ATG9B: variants seen among roughly 807,000 people sequenced by gnomAD.
The protein encoded by ATG9B is autophagy related 9B.
A neutral mutation model predicts 92.9 loss-of-function variants in ATG9B; 92 were observed. The ratio of observed to expected loss-of-function variants is 0.99; its 90% CI spans 0.84 to 1.18. The LOEUF (loss-of-function observed/expected upper bound fraction) is 1.18, where lower values mean the gene tolerates loss of function less well. Ranked by LOEUF, ATG9B falls within the 50% of genes most tolerant of loss-of-function variation. The pLI is 0.00. For missense variants in ATG9B, 1,344 were observed against 1,235.0 expected, an observed-to-expected ratio of 1.09 and a Z score of -1.32; for synonymous variants, 599 against 551.4, an observed-to-expected ratio of 1.09 and a Z score of -1.21.
chr7:151,012,743 AAAG>A (rs1343910744), downstream of ATG9B: 5 of 391,208 alleles, frequency 1.3e-5, no homozygotes, highest in East Asian at 8.7e-5. Context: ...GCTAAGACTC[AAAG>A]AAGAACTGCC....
chr7:151,016,863 A>G (rs1391828959), intron 9 of ATG9B, 42 bp from the exon 10 acceptor site: 1 of 1,576,338 alleles, frequency 6.3e-7, no homozygotes, highest in East Asian at 2.2e-5. Context: ...GGGAGTCAGA[A>G]GAGAGGACAG....
chr7:151,013,673 G>GGC, downstream of ATG9B: 2 of 1,437,204 alleles, frequency 1.4e-6, no homozygotes, highest in Non-Finnish European at 1.9e-6. Flanking sequence ...CCCGGGCTGC[G>GGC]CCCCCGCGCC....
intron 1 of ATG9B, 60 bp from the exon 2 acceptor site, chr7:151,023,790 C>A: frequency 1.9e-6 from 3 of 1,612,906 alleles, no homozygotes; most frequent in Non-Finnish European, 2.5e-6. Context: ...ACGTTCTCAA[C>A]CCGCTGCCAG....
At position 151,017,723 on chromosome 7, in the gene ATG9B, G is replaced by A. The variant is rs535919000; in HGVS notation, c.2052+148C>T. 8.6e-5 allele frequency: 85 copies of A among 993,592 alleles called. No homozygotes were observed. The South Asian group carries it at 8.9e-4, about 10-fold the overall frequency. The allele number at this position is 993,592 out of a possible 1,614,324, so 61.5% of individuals were successfully genotyped here. On this transcript the variant is annotated intron_variant, in intron 8 of 13. Coordinates refer to ENST00000639579, the MANE Select transcript of ATG9B (RefSeq NM_001317056.2). The stretch of plus-strand genomic sequence containing the variant: ...TTGCCATTGTTGCCATCTGACAGAC[G>A]AGGGCACGAGAGCACAGGAAGGGAA...
In ATG9B at chr7:151,017,018, G is replaced by T; in HGVS notation, c.2289+18C>A. ...TGTGGGGGTGAAGGCAGAAGGGGAG[G>T]CCAGGCTTGGGACTCACCAGGGGCG... On this transcript the variant is annotated intron_variant, in intron 9 of 13. Coordinates refer to ENST00000639579, the MANE Select transcript of ATG9B (RefSeq NM_001317056.2). 1 of 1,568,962 alleles carries T rather than the reference G, an allele frequency of 6.4e-7. No individual in the cohort carries two copies. Among genetic ancestry groups the T allele is most frequent in the Non-Finnish European group, 8.6e-7 (1 of 1,156,070 alleles).
chr7:151,014,236 A>G, downstream of ATG9B: 1 of 1,472,246 alleles, frequency 6.8e-7, no homozygotes, highest in East Asian at 2.4e-5. Flanking sequence ...CCCGACCAGG[A>G]TCAGCCCCGC....
In ATG9B at chr7:151,023,045, C is replaced by G; in HGVS notation, c.821G>C (p.Arg274Thr). 6.2e-7 allele frequency: 1 copy of G among 1,614,110 alleles called. No individual in the cohort carries two copies. Among genetic ancestry groups the G allele is most frequent in the Non-Finnish European group, 8.5e-7 (1 of 1,180,022 alleles). The change falls in exon 4 of 14, where the codon AGG (arginine) becomes ACG (threonine). Residue 274 changes from arginine (R) to threonine (T), a missense_variant and splice_region_variant. Transcript: ENST00000639579. ...AGGGCCCCACCAGGTTGTCACTAAC[C>G]TCTCAGCACACTGGGCTGAGGGTAG... is the stretch of plus-strand genomic sequence containing the variant. ...AILPSAQCAERIRSSPLLVLL... is the reference protein window; with the variant it reads ...AILPSAQCAETIRSSPLLVLL...
chr7:151,021,411 A>T (rs1382063988), intron 4 of ATG9B, 82 bp from the exon 5 acceptor site: 1 of 1,470,784 alleles, frequency 6.8e-7, no homozygotes, highest in African/African-American at 1.4e-5. Context: ...GTGAGGAAAA[A>T]CCATCATGAG....
At chr7:151,013,483 C>T, downstream of ATG9B, 1 of 1,406,862 alleles carries the variant, frequency 7.1e-7, no homozygotes, top group Non-Finnish European at 9.5e-7. Context: ...CGTGGCCTCC[C>T]ACGACCACTC....
chr7:151,017,750 T>C (rs1317191277), intron 8 of ATG9B, 121 bp downstream of exon 8: 28 of 1,231,556 alleles, frequency 2.3e-5, no homozygotes, highest in Non-Finnish European at 2.9e-5. Context: ...GGAAGGGAAG[T>C]GACCCGCTCA....
downstream of ATG9B, chr7:151,013,425 A>G: frequency 1.3e-6 from 2 of 1,577,558 alleles, no homozygotes; most frequent in Non-Finnish European, 1.7e-6. Context: ...ATAGGGAGAG[A>G]GGGGAGGACT....
chr7:151,015,904 T>G lies in ATG9B; in HGVS notation c.2767A>C (p.Thr923Pro). Residue 923 changes from threonine (T) to proline (P), a missense_variant, in exon 13 of 14, where the codon ACT becomes CCT. Thr to Pro is a conservative substitution (Grantham distance 38). Coordinates refer to ENST00000639579, the MANE Select transcript of ATG9B (RefSeq NM_001317056.2). ...TQKEPDRASC[T>P]D ...GACCCTGAGGAGTCGTCTCAGTCAG[T>G]GCAAGAGGCCCGGTCAGGCTCCTTC... 6.4e-7 allele frequency: 1 copy of G among 1,551,622 alleles called. No homozygotes were observed. Among genetic ancestry groups the G allele is most frequent in the Non-Finnish European group, 8.7e-7 (1 of 1,146,946 alleles).
intron 13 of ATG9B, 81 bp downstream of exon 13, chr7:151,015,801 G>C: frequency 2.7e-6 from 4 of 1,471,394 alleles, no homozygotes; most frequent in Non-Finnish European, 3.6e-6. Context: ...TCCCACCACT[G>C]CTCCCATCGC....
Position 151,024,037 on chromosome 7 carries a change from G to T in ATG9B, c.387C>A (p.Pro129=). The T allele has an allele frequency of 6.3e-7, 1 of 1,590,984 alleles. No individual in the cohort carries two copies. The highest frequency in any genetic ancestry group is 8.6e-7 in the Non-Finnish European group (1 of 1,168,802). ...GAGAGTCCTGGGGGCACTGCTGTGAGGGAGTGGGGGTTGCCGGGGCCAGGG... is the reference window on the plus strand; with the variant it reads ...GAGAGTCCTGGGGGCACTGCTGTGATGGAGTGGGGGTTGCCGGGGCCAGGG... ...TPPLAPATPT[P]SQQCPQDSPG... Residue 129 remains proline (P), a synonymous_variant, in exon 1 of 14, where the codon CCC becomes CCA. Transcript: ENST00000639579.
At chr7:151,014,319 A>T, downstream of ATG9B, 1 of 885,340 alleles carries the variant, frequency 1.1e-6, no homozygotes, top group Non-Finnish European at 1.7e-6. Context: ...TTCCTCCAGG[A>T]AGGAGCAAAA....
Position 151,016,206 on chromosome 7 carries a change from C to T in ATG9B, c.2550G>A (p.Pro850=), listed in dbSNP as rs761002527. The T allele has an allele frequency of 4.8e-5, 72 of 1,508,772 alleles. No homozygotes were observed. Among genetic ancestry groups the T allele is most frequent in the African/African-American group, 1.1e-4 (8 of 71,776 alleles). The allele number at this position is 1,508,772 out of a possible 1,614,324, so 93.5% of individuals were successfully genotyped here. A position where few individuals can be genotyped will look rare whatever the true frequency, so the allele number is the denominator to read the frequency against. Residue 850 remains proline (P), a synonymous_variant, in exon 12 of 14, where the codon CCG becomes CCA. Coordinates refer to ENST00000639579, the MANE Select transcript of ATG9B (RefSeq NM_001317056.2). ...QLHQQQQQQE[P]WGEAAASILS... is the part of the protein sequence containing the mutation. ...GGATGGAGGCTGCAGCCTCACCCCACGGCTCCTGCTGCTGCTGCTGCTGGT... is the reference window on the plus strand; with the variant it reads ...GGATGGAGGCTGCAGCCTCACCCCATGGCTCCTGCTGCTGCTGCTGCTGGT...
rs775580082 is a variant in ATG9B at position 151,018,333 on chromosome 7, G to A, written c.1833C>T (p.Arg611=). ...PEEPGPGGRD[R]AYRQMAQLLQ... ...GCAGCTGCGCCATCTGCCGGTAGGC[G>A]CGGTCCCTGCCGCCGGGGCCGGGCT... The change falls in exon 7 of 14, where the codon CGC becomes CGT. Residue 611 remains arginine, a synonymous_variant. Transcript: ENST00000639579. This position sits in a 1 kb window ranked among gnomAD's most constrained non-coding sequence, Gnocchi z 4.7. The A allele has an allele frequency of 4.4e-6, 7 of 1,591,970 alleles. No homozygotes were observed. Among genetic ancestry groups the A allele is most frequent in the Non-Finnish European group, 6.0e-6 (7 of 1,172,534 alleles).
intron 4 of ATG9B, among the ~76,000 whole-genome samples, chr7:151,021,872 A>T (rs1205968923): frequency 1.4e-4 from 21 of 151,868 alleles, no homozygotes. Context: ...AATGGTTTTG[A>T]TCTCCTGACC....
intron 4 of ATG9B, 21 bp downstream of exon 4, chr7:151,023,024 C>T (rs751334839): frequency 3.7e-6 from 6 of 1,613,932 alleles, no homozygotes; most frequent in South Asian, 1.1e-5. Flanking sequence ...ACCCCCAGGG[C>T]CCCACCAGGT....
Sources: gnomAD v4.1 joint callset for allele counts (sites outside exome capture counted in the v4.1 genomes callset) on GRCh38, gnomAD v4.1.1 for gene constraint, Gnocchi (gnomAD v3.1) non-coding constraint, MANE v1.5 for transcripts, NCBI Gene and HGNC (gene_info 2026-07-23, HGNC 2026-07-21) for gene names.